The following ICAM3 variants were observed in gnomAD, a reference collection of about 807,000 sequenced individuals.
The protein encoded by ICAM3 is intercellular adhesion molecule 3.
A neutral mutation model predicts 43.6 loss-of-function variants in ICAM3; 54 were observed. The ratio of observed to expected loss-of-function variants is 1.24; its 90% confidence interval spans 0.99 to 1.55. The LOEUF (loss-of-function observed/expected upper bound fraction) is 1.55. ICAM3 is among the 40% of genes most tolerant of loss of function. The probability of loss-of-function intolerance (pLI) is 0.00; values close to 1 mark genes in which losing one functional copy is unlikely to be tolerated. For synonymous variants in ICAM3, 306 were observed against 312.6 expected (o/e 0.98, Z 0.22); for missense variants, 715 against 717.9 (o/e 1.00, Z 0.05).
chr19:10,335,849 C>G lies in ICAM3; in HGVS notation c.471G>C (p.Trp157Cys). The G allele has an allele frequency of 6.2e-7, 1 of 1,611,106 alleles. No individual in the cohort carries two copies. Among genetic ancestry groups the G allele is most frequent in the Non-Finnish European group, 8.5e-7 (1 of 1,179,670 alleles). ...CGGGCTGCCGGCTCAGCTCCTCCTC[C>G]CAGCGAAGCAGCACCACCGTGAGGC... ...RTSLTVVLLR[W>C]EEELSRQPAV... The change falls in exon 3 of 7, where the codon TGG (tryptophan) becomes TGC (cysteine). Residue 157 changes from tryptophan to cysteine, a missense_variant. Trp to Cys is a radical substitution (Grantham distance 215). Transcript: ENST00000160262.
chr19:10,339,224 C>T, intron 1 of ICAM3: 1 of 582,288 alleles, frequency 1.7e-6, no homozygotes, highest in Non-Finnish European at 3.0e-6. Context: ...TAGGAGTTAG[C>T]AAGTGAAAGG....
At position 10,333,852 on chromosome 19, in the gene ICAM3, C is replaced by T; in HGVS notation, c.*5G>A. Reference sequence around the variant, plus strand: ...CCCCGCCAACTTTGATCCCGGATCCCAGCGTCACTCAGCTCTGGACGGTTC... The same window carrying T: ...CCCCGCCAACTTTGATCCCGGATCCTAGCGTCACTCAGCTCTGGACGGTTC... On this transcript the variant is annotated 3_prime_UTR_variant, in exon 7 of 7. Coordinates refer to ENST00000160262, the MANE Select transcript of ICAM3 (RefSeq NM_002162.5). This position sits in a 1 kb window ranked among gnomAD's most constrained non-coding sequence, Gnocchi z 4.2. The T allele has an allele frequency of 6.2e-7, 1 of 1,612,678 alleles. No homozygotes were observed. Among genetic ancestry groups the T allele is most frequent in the Non-Finnish European group, 8.5e-7 (1 of 1,178,788 alleles).
At chr19:10,335,410 C>A in intron 3 of ICAM3, 57 bp from the exon 4 acceptor site, 1 of 1,437,326 alleles carries the variant, frequency 7.0e-7, no homozygotes, top group South Asian at 1.3e-5. Flanking sequence ...CCCAGGACAC[C>A]CTCATCCCCC....
chr19:10,335,851 A>T lies in ICAM3; in HGVS notation c.469T>A (p.Trp157Arg), dbSNP rs767523358. The T allele has an allele frequency of 1.2e-6, 2 of 1,610,846 alleles. No homozygotes were observed. The highest frequency in any genetic ancestry group is 4.5e-5 in the East Asian group (2 of 44,834). The change falls in exon 3 of 7, where the codon TGG becomes AGG. Residue 157 changes from tryptophan (W) to arginine (R), a missense_variant. Physicochemically the swap from Trp to Arg is moderately radical, Grantham distance 101 (BLOSUM62 -3). Transcript: ENST00000160262. ...GGCTGCCGGCTCAGCTCCTCCTCCC[A>T]GCGAAGCAGCACCACCGTGAGGCTG... ...RTSLTVVLLRWEEELSRQPAV... is the reference protein window; with the variant it reads ...RTSLTVVLLRREEELSRQPAV...
Position 10,334,088 on chromosome 19 carries a change from G to A in ICAM3, c.1442-29C>T, listed in dbSNP as rs1172364257. ...TGCAGAGAAAGCGCTAAGTCAATAT[G>A]CGTCCCTTCTGTCTCCAACCCCCCC... On this transcript the variant is annotated intron_variant, in intron 6 of 6. Transcript: ENST00000160262. This position sits in a 1 kb window ranked among gnomAD's most constrained non-coding sequence, Gnocchi z 5.5. 4 of 1,611,782 alleles carry A rather than the reference G, an allele frequency of 2.5e-6. No homozygotes were observed. The highest frequency in any genetic ancestry group is 3.4e-6 in the Non-Finnish European group (4 of 1,178,266).
At chr19:10,336,089 ATAAACT>A (rs1386805252) in intron 2 of ICAM3, 113 bp from the exon 3 acceptor site, 2 of 974,124 alleles carry the variant, frequency 2.1e-6, no homozygotes, top group Non-Finnish European at 1.5e-6. Context: ...CTTTGAGTTA[ATAAACT>A]TAGAGGGCTT....
At chr19:10,339,122 C>T (rs2040630520) in intron 1 of ICAM3, 174 bp from the exon 2 acceptor site, 1 of 678,444 alleles carries the variant, frequency 1.5e-6, no homozygotes, top group Non-Finnish European at 2.4e-6. Context: ...CAGAAGGAGG[C>T]CAGAAGAGGC....
chr19:10,334,784 T>C lies in ICAM3; in HGVS notation c.938-2A>G, dbSNP rs771402665. The stretch of plus-strand genomic sequence containing the variant: ...GGTTCACAATGGGTCCTAGGAAGCC[T>C]AAAGGCGGGGCATTGCCCAGGAGCT... On this transcript the variant is annotated splice_acceptor_variant, in intron 4 of 6. Transcript: ENST00000160262. LOFTEE classifies it high-confidence loss of function. This position sits in a 1 kb window ranked among gnomAD's most constrained non-coding sequence, Gnocchi z 5.5. 6 of 1,580,026 alleles carry C rather than the reference T, an allele frequency of 3.8e-6. No individual in the cohort carries two copies. The South Asian group carries it at 6.8e-5, about 18-fold the overall frequency.
intron 1 of ICAM3, chr19:10,339,328 G>A: frequency 1.7e-6 from 1 of 585,684 alleles, no homozygotes; most frequent in South Asian, 2.0e-5. Context: ...GTGTGTGTGT[G>A]TTAGGGGAGA....
Position 10,335,897 on chromosome 19 carries a change from C to A in ICAM3, c.423G>T (p.Val141=). ...VGQNFTLRCQ[V]EDGSPRTSLT... is the part of the protein sequence containing the mutation. ...GGCTGGTCCGGGGCGACCCATCCTCCACTTGGCAGCGCAGGGTGAAGTTCT... is the reference window on the plus strand; with the variant it reads ...GGCTGGTCCGGGGCGACCCATCCTCAACTTGGCAGCGCAGGGTGAAGTTCT... The change falls in exon 3 of 7, where the codon GTG becomes GTT. Residue 141 remains valine, a synonymous_variant. Transcript: ENST00000160262. The A allele has an allele frequency of 6.3e-7, 1 of 1,598,940 alleles. No homozygotes were observed. Among genetic ancestry groups the A allele is most frequent in the Non-Finnish European group, 8.5e-7 (1 of 1,176,360 alleles).
Position 10,334,797 on chromosome 19 carries a change from T to C in ICAM3, c.938-15A>G, listed in dbSNP as rs1397477945. The C allele has an allele frequency of 6.4e-7, 1 of 1,567,030 alleles. No homozygotes were observed. The highest frequency in any genetic ancestry group is 1.7e-4 in the Middle Eastern group (1 of 5,738). On this transcript the variant is annotated splice_polypyrimidine_tract_variant and intron_variant, in intron 4 of 6. Transcript: ENST00000160262. The surrounding 1 kb of genome is among the most constrained non-coding windows in gnomAD (Gnocchi z 5.5). ...TCCTAGGAAGCCTAAAGGCGGGGCA[T>C]TGCCCAGGAGCTTAATGAACAGGAC...
rs756688789 is a variant in ICAM3, at chr19:10,334,310, G to A, written c.1291C>T (p.Pro431Ser). The change falls in exon 6 of 7, where the codon CCC (proline) becomes TCC (serine). Residue 431 changes from proline to serine, a missense_variant. By Grantham distance (74) the Pro-to-Ser change is moderately conservative. Coordinates refer to ENST00000160262, the MANE Select transcript of ICAM3 (RefSeq NM_002162.5). The surrounding 1 kb of genome is among the most constrained non-coding windows in gnomAD (Gnocchi z 5.5). Reference protein sequence around the residue: ...LQCQARGNPYPELRCLKEGSS... With the variant: ...LQCQARGNPYSELRCLKEGSS... The stretch of plus-strand genomic sequence containing the variant: ...CCTTCCTTCAAACACCGCAGCTCGG[G>A]GTACGGGTTGCCCCTGGCTTGGCAC... 1.4e-5 allele frequency: 22 copies of A among 1,614,060 alleles called. No homozygotes were observed. Among genetic ancestry groups the A allele is most frequent in the Non-Finnish European group, 1.9e-5 (22 of 1,180,050 alleles).
At position 10,338,526 on chromosome 19, in the gene ICAM3, A is replaced by G. The variant is rs2304238; in HGVS notation, c.343+156T>C. ...TGTCTCTGTGTCTCTGTCTCTGTCT[A>G]TCTTTGTATCTCACACACAAATGTC... is the stretch of plus-strand genomic sequence containing the variant. On this transcript the variant is annotated intron_variant, in intron 2 of 6. Transcript: ENST00000160262. Among the ~76,000 whole-genome samples, 882 of 151,972 alleles carry G rather than the reference A, an allele frequency of 5.8e-3. 15 individuals are homozygous for G. Among genetic ancestry groups the G allele is most frequent in the East Asian group, 0.047 (244 of 5,160 alleles).
rs1326021394 is a variant in ICAM3 at position 10,335,279 on chromosome 19, T to A, written c.724A>T (p.Thr242Ser). The change falls in exon 4 of 7, where the codon ACC becomes TCC. Residue 242 changes from threonine to serine, a missense_variant. By Grantham distance (58) the Thr-to-Ser change is moderately conservative. Coordinates refer to ENST00000160262, the MANE Select transcript of ICAM3 (RefSeq NM_002162.5). ...EVETSWPVDC[T>S]LDGLFPASEA... Reference sequence around the variant, plus strand: ...GAGGCTGGAAAAAGCCCGTCTAGGGTGCAGTCCACCGGCCACGACGTTTCC... The same window carrying A: ...GAGGCTGGAAAAAGCCCGTCTAGGGAGCAGTCCACCGGCCACGACGTTTCC... 4 of 1,612,924 alleles carry A rather than the reference T, an allele frequency of 2.5e-6. No individual in the cohort carries two copies. The highest frequency in any genetic ancestry group is 2.7e-5 in the African/African-American group (2 of 74,820).
intron 2 of ICAM3, 176 bp from the exon 3 acceptor site, chr19:10,336,152 T>C (rs1031368179): frequency 3.4e-6 from 2 of 595,208 alleles, no homozygotes; most frequent in African/African-American, 1.9e-5. Flanking sequence ...AGCGCAGTGA[T>C]TATCATTTCC....
rs751243771 is a variant in ICAM3, at chr19:10,334,537, G to A, written c.1183C>T (p.Arg395Ter). The A allele has an allele frequency of 1.7e-5, 28 of 1,608,192 alleles. No individual in the cohort carries two copies. Among genetic ancestry groups the A allele is most frequent in the Admixed American group, 8.4e-5 (5 of 59,840 alleles). Residue 395 changes from arginine to a stop codon, truncating the protein, a stop_gained, in exon 5 of 7, where the codon CGA becomes TGA. Transcript: ENST00000160262. LOFTEE classifies it high-confidence loss of function. This position sits in a 1 kb window ranked among gnomAD's most constrained non-coding sequence, Gnocchi z 5.5. ...AGGGTGACCGACTCACACAGGACTC[G>A]CAGCTGGACGCTACTGTTCCTGTGC... Reference protein sequence around the residue: ...FLHRNSSVQLRVLYGPKIDRA... With the variant: ...FLHRNSSVQL
At chr19:10,339,087 A>AATCCATC (rs1568320036) in intron 1 of ICAM3, 139 bp from the exon 2 acceptor site, 1 of 877,834 alleles carries the variant, frequency 1.1e-6, no homozygotes, top group East Asian at 2.6e-5. Context: ...GGAAAGGTAG[A>AATCCATC]ATCCATCAGA....
chr19:10,334,395 A>C lies in ICAM3; in HGVS notation c.1206T>G (p.Ile402Met). The C allele has an allele frequency of 6.2e-7, 1 of 1,614,022 alleles. No individual in the cohort carries two copies. Among genetic ancestry groups the C allele is most frequent in the Non-Finnish European group, 8.5e-7 (1 of 1,180,000 alleles). ...VQLRVLYGPK[I>M]DRATCPQHLK... is the part of the protein sequence containing the mutation. ...AGTGCTGGGGGCATGTGGCTCGGTC[A>C]ATTTTGGGACCATCTGTGGAACCAC... Residue 402 changes from isoleucine (I) to methionine (M), a missense_variant, in exon 6 of 7, where the codon ATT becomes ATG. Physicochemically the swap from Ile to Met is conservative, Grantham distance 10. Transcript: ENST00000160262. The surrounding 1 kb of genome is among the most constrained non-coding windows in gnomAD (Gnocchi z 5.5).
intron 1 of ICAM3, 111 bp downstream of exon 1, chr19:10,339,428 G>T: frequency 1.1e-6 from 1 of 908,944 alleles, no homozygotes; most frequent in Non-Finnish European, 1.7e-6. Flanking sequence ...AGAGTCAGCG[G>T]CCAGGTCGCA....
Sources: gnomAD v4.1 joint callset for allele counts (sites outside exome capture counted in the v4.1 genomes callset) on GRCh38, gnomAD v4.1.1 for gene constraint, Gnocchi (gnomAD v3.1) non-coding constraint, MANE v1.5 for transcripts, NCBI Gene and HGNC (gene_info 2026-07-23, HGNC 2026-07-21) for gene names.